Variants in DIAPH1 observed in about 807,000 individuals in gnomAD.
DIAPH1 encodes protein diaphanous homolog 1.
Under a neutral mutation model 140.7 loss-of-function variants are expected in DIAPH1, and 46 were observed. The observed-to-expected ratio is 0.33, with a 90% CI of 0.26 to 0.42. DIAPH1 has a LOEUF of 0.42. Ranked by LOEUF, DIAPH1 falls within the 10% of genes least tolerant of loss-of-function variation. DIAPH1 has a pLI of 1.00. For missense variants in DIAPH1, 1,310 were observed against 1,558.7 expected (o/e 0.84, Z 2.69); for synonymous variants, 565 against 551.6 (o/e 1.02, Z -0.34).
At position 141,576,263 on chromosome 5, in the gene DIAPH1, T is replaced by C. The variant is rs751708805; in HGVS notation, c.1428A>G (p.Lys476=). 7 of 1,614,086 alleles carry C rather than the reference T, an allele frequency of 4.3e-6. No individual in the cohort carries two copies. The South Asian group carries it at 7.7e-5, about 18-fold the overall frequency. ...DQMIDKTKVE[K]SEAKAAELEK... ...CCAGCTCTGCAGCTTTGGCTTCAGATTTCTCCACCTTTGTCTTATCAATCA... is the reference window on the plus strand; with the variant it reads ...CCAGCTCTGCAGCTTTGGCTTCAGACTTCTCCACCTTTGTCTTATCAATCA... Residue 476 remains lysine, a synonymous_variant, in exon 14 of 28, where the codon AAA becomes AAG. Transcript: ENST00000389054.
At chr5:141,555,516 T>C (rs1219576880) in intron 18 of DIAPH1, among the ~76,000 whole-genome samples, 2 of 152,184 alleles carry the variant, frequency 1.3e-5, no homozygotes, top group East Asian at 3.9e-4. Context: ...AAGCACCTAA[T>C]ATACAACCTT....
chr5:141,523,190 C>A (rs1469880300), intron 27 of DIAPH1, among the ~76,000 whole-genome samples: 2 of 152,202 alleles, frequency 1.3e-5, no homozygotes, highest in African/African-American at 2.4e-5. Context: ...TGGGCCTACA[C>A]AATGCAACAG....
intron 1 of DIAPH1, among the ~76,000 whole-genome samples, chr5:141,612,634 G>A (rs1020196702): frequency 2.0e-4 from 31 of 152,316 alleles, no homozygotes; most frequent in Middle Eastern, 6.8e-3. Flanking sequence ...GGAGATGGGA[G>A]GACGAGGATG....
At chr5:141,600,381 A>G (rs2099899957) in intron 1 of DIAPH1, among the ~76,000 whole-genome samples, 1 of 152,216 alleles carries the variant, frequency 6.6e-6, no homozygotes, top group Admixed American at 6.5e-5. Flanking sequence ...CCAGATACAC[A>G]ATCCATGCCA....
intron 8 of DIAPH1, among the ~76,000 whole-genome samples, chr5:141,580,493 A>G (rs952891506): frequency 6.6e-6 from 1 of 152,184 alleles, no homozygotes; most frequent in African/African-American, 2.4e-5. Context: ...ATCCTAGACA[A>G]TACAGATATT....
chr5:141,609,995 A>C (rs2099901553), intron 1 of DIAPH1, among the ~76,000 whole-genome samples: 1 of 152,244 alleles, frequency 6.6e-6, no homozygotes, highest in Non-Finnish European at 1.5e-5. Context: ...AATCTATACA[A>C]GTTCTAGAAG....
At chr5:141,594,251 T>G (rs879419102) in intron 1 of DIAPH1, among the ~76,000 whole-genome samples, 1 of 152,224 alleles carries the variant, frequency 6.6e-6, no homozygotes, top group Non-Finnish European at 1.5e-5. Context: ...AGTGAAAACG[T>G]ATGTCCACAC....
intron 1 of DIAPH1, among the ~76,000 whole-genome samples, chr5:141,600,527 T>A (rs1245428195): frequency 6.6e-6 from 1 of 152,194 alleles, no homozygotes; most frequent in Non-Finnish European, 1.5e-5. Context: ...AGAACTTCGC[T>A]AAAGGAAAAG....
intron 1 of DIAPH1, among the ~76,000 whole-genome samples, chr5:141,600,949 C>A (rs2099900052): frequency 6.6e-6 from 1 of 152,016 alleles, no homozygotes; most frequent in South Asian, 2.1e-4. Flanking sequence ...AAGCTGGAAA[C>A]CATCATTCTG....
chr5:141,537,483 CAAAA>C (rs34323841), intron 18 of DIAPH1, among the ~76,000 whole-genome samples: 420 of 36,926 alleles, frequency 0.011, no homozygotes, highest in Admixed American at 0.024. Context: ...AACTCCGTCT[CAAAA>C]AAAAAAAAAA....
intron 1 of DIAPH1, among the ~76,000 whole-genome samples, chr5:141,603,481 C>T (rs949320965): frequency 6.6e-6 from 1 of 152,070 alleles, no homozygotes; most frequent in African/African-American, 2.4e-5. Flanking sequence ...ATCAATCTAC[C>T]CCTGCCTTCC....
intron 18 of DIAPH1, among the ~76,000 whole-genome samples, chr5:141,538,226 A>T (rs945020551): frequency 6.7e-6 from 1 of 149,206 alleles, no homozygotes; most frequent in Non-Finnish European, 1.5e-5. Context: ...ACACTTGGCT[A>T]ATTTTTTGTA....
At chr5:141,578,708 C>T in intron 9 of DIAPH1, 83 bp from the exon 10 acceptor site, 2 of 1,017,820 alleles carry the variant, frequency 2.0e-6, no homozygotes, top group East Asian at 2.4e-5. Flanking sequence ...ATTCTTAGGT[C>T]CCCAATACAA....
At chr5:141,567,310 G>A (rs1425638231) in intron 18 of DIAPH1, among the ~76,000 whole-genome samples, 1 of 152,154 alleles carries the variant, frequency 6.6e-6, no homozygotes, top group African/African-American at 2.4e-5. Flanking sequence ...TGACAACCTG[G>A]AGGAGGTATG....
intron 11 of DIAPH1, 33 bp from the exon 12 acceptor site, chr5:141,577,624 T>A (rs1189308345): frequency 2.9e-6 from 4 of 1,378,588 alleles, no homozygotes; most frequent in Non-Finnish European, 4.1e-6. Flanking sequence ...GGAAAGCAAA[T>A]ATGCAGAAAT....
At chr5:141,551,021 G>A (rs914893786) in intron 18 of DIAPH1, among the ~76,000 whole-genome samples, 2 of 152,120 alleles carry the variant, frequency 1.3e-5, no homozygotes, top group Non-Finnish European at 2.9e-5. Flanking sequence ...ACATGATCCA[G>A]GACTTTTTTC....
rs1340149420 is a variant in DIAPH1 at position 141,576,860 on chromosome 5, T to C, written c.1292A>G (p.Tyr431Cys). 3.1e-6 allele frequency: 5 copies of C among 1,596,224 alleles called. No homozygotes were observed. The highest frequency in any genetic ancestry group is 1.3e-5 in the African/African-American group (1 of 74,572). Residue 431 changes from tyrosine (Y) to cysteine (C), a missense_variant, in exon 13 of 28, where the codon TAT becomes TGT. By Grantham distance (194) the Tyr-to-Cys change is radical. Around this residue, in one of 3 missense-constraint regions of DIAPH1, gnomAD observed 589 missense variants for 549.3 expected, o/e 1.07. Coordinates refer to ENST00000389054, the MANE Select transcript of DIAPH1 (RefSeq NM_005219.5). ...GGAAATACATTCTTCAATCAACTTA[T>C]AGTACTGAGGTCTACAAGAGAATAA... The part of the protein sequence containing the change: ...RNDYEARPQY[Y>C]KLIEECISQI...
chr5:141,579,961 G>GA (rs1403489827), intron 8 of DIAPH1, among the ~76,000 whole-genome samples: 36 of 140,636 alleles, frequency 2.6e-4, no homozygotes, highest in Non-Finnish European at 2.3e-4. Flanking sequence ...AAAAAAAAAG[G>GA]AAAAAAAAAA....
intron 26 of DIAPH1, among the ~76,000 whole-genome samples, chr5:141,525,051 G>A (rs888995718): frequency 1.3e-5 from 2 of 152,158 alleles, no homozygotes; most frequent in Non-Finnish European, 2.9e-5. Context: ...TTCCCCCACT[G>A]CATCCTAGCC....
Sources: allele counts gnomAD v4.1 joint callset (sites outside exome capture counted in the v4.1 genomes callset), GRCh38; gene constraint gnomAD v4.1.1; regional missense constraint gnomAD v4.1.1; transcripts MANE v1.5; gene names NCBI Gene and HGNC (gene_info 2026-07-23, HGNC 2026-07-21).